NTN4: variants seen among roughly 807,000 people sequenced by gnomAD.
NTN4 encodes netrin 4, also known as netrin-4.
A neutral mutation model predicts 73.6 loss-of-function variants in NTN4; 32 were observed. That is an observed-to-expected ratio of 0.44 (90% confidence interval 0.33 to 0.58). The LOEUF (loss-of-function observed/expected upper bound fraction) is 0.58. Ranked by LOEUF, NTN4 falls within the 20% of genes least tolerant of loss-of-function variation. The pLI, the probability that NTN4 is intolerant of heterozygous loss-of-function variation, is 0.04. For missense variants in NTN4, 654 were observed against 798.3 expected, an observed-to-expected ratio of 0.82 and a Z score of 2.18; for synonymous variants, 258 against 287.5, an observed-to-expected ratio of 0.90 and a Z score of 1.04.
chr12:95,702,106 C>T (rs535448390), intron 5 of NTN4, among the ~76,000 whole-genome samples: 354 of 151,800 alleles, frequency 2.3e-3, no homozygotes, highest in African/African-American at 7.9e-3. Flanking sequence ...ATAGGGAAAC[C>T]CCGTCTCTAC....
chr12:95,777,524 A>G (rs982320907), intron 2 of NTN4, among the ~76,000 whole-genome samples: 3 of 152,232 alleles, frequency 2.0e-5, no homozygotes, highest in African/African-American at 7.2e-5. Flanking sequence ...GTCTCTGATA[A>G]AACAGACTTT....
chr12:95,666,797 A>C (rs1337901138), intron 8 of NTN4, among the ~76,000 whole-genome samples: 2 of 152,346 alleles, frequency 1.3e-5, no homozygotes, highest in African/African-American at 2.4e-5. Context: ...ACTACTTAAT[A>C]TTCTTCTCCT....
chr12:95,667,058 T>C (rs2078185981), intron 8 of NTN4, among the ~76,000 whole-genome samples: 1 of 152,356 alleles, frequency 6.6e-6, no homozygotes, highest in Admixed American at 6.5e-5. Context: ...GTATGACTTA[T>C]GATTCTATTA....
At chr12:95,770,910 A>T in intron 2 of NTN4, among the ~76,000 whole-genome samples, 1 of 152,228 alleles carries the variant, frequency 6.6e-6, no homozygotes, top group East Asian at 1.9e-4. Flanking sequence ...GAAGAAGAGA[A>T]GAGAAATATG....
At chr12:95,742,916 C>T (rs1048567715) in intron 2 of NTN4, among the ~76,000 whole-genome samples, 4 of 152,230 alleles carry the variant, frequency 2.6e-5, no homozygotes, top group African/African-American at 4.8e-5. Context: ...TTTAGAAGAA[C>T]ACAGATAGCA....
At chr12:95,713,733 T>C (rs1358466460) in intron 3 of NTN4, among the ~76,000 whole-genome samples, 1 of 152,188 alleles carries the variant, frequency 6.6e-6, no homozygotes, top group Non-Finnish European at 1.5e-5. Flanking sequence ...GACATTAATA[T>C]AACATTTGGA....
At chr12:95,777,037 T>C (rs574408230) in intron 2 of NTN4, among the ~76,000 whole-genome samples, 15 of 152,210 alleles carry the variant, frequency 9.9e-5, no homozygotes, top group Non-Finnish European at 1.8e-4. Context: ...ATTTTCAACC[T>C]AGAATTTCAT....
chr12:95,690,057 A>G (rs2078390276), intron 5 of NTN4, among the ~76,000 whole-genome samples: 1 of 152,222 alleles, frequency 6.6e-6, no homozygotes, highest in African/African-American at 2.4e-5. Flanking sequence ...GGACTAAACC[A>G]GAGATAATGT....
In NTN4 at chr12:95,781,564, A is replaced by T. The variant is rs1482317750; in HGVS notation, c.585+5375T>A. Among the ~76,000 whole-genome samples, 1 of 152,186 alleles carries T rather than the reference A, an allele frequency of 6.6e-6. No individual in the cohort carries two copies. The highest frequency in any genetic ancestry group is 1.5e-5 in the Non-Finnish European group (1 of 68,028). On this transcript the variant is annotated intron_variant, in intron 2 of 9. Transcript: ENST00000343702. The surrounding 1 kb of genome is among the most constrained non-coding windows in gnomAD (Gnocchi z 4.1). The stretch of plus-strand genomic sequence containing the variant: ...CAGCAAACCAATATGGCACACATTT[A>T]CCTATGCAACAAACCTGCACATGCT...
At chr12:95,732,765 A>G (rs1350002468) in intron 3 of NTN4, among the ~76,000 whole-genome samples, 1 of 152,210 alleles carries the variant, frequency 6.6e-6, no homozygotes, top group Non-Finnish European at 1.5e-5. Flanking sequence ...AATAAATTTT[A>G]AAAAGAAGAT....
At chr12:95,711,060 A>G (rs1042549971) in intron 4 of NTN4, among the ~76,000 whole-genome samples, 3 of 152,214 alleles carry the variant, frequency 2.0e-5, no homozygotes, top group Non-Finnish European at 2.9e-5. Flanking sequence ...TGAGTAGTTA[A>G]CAATACAAAA....
At chr12:95,739,575 T>C (rs1565902960) in intron 2 of NTN4, among the ~76,000 whole-genome samples, 1 of 152,254 alleles carries the variant, frequency 6.6e-6, no homozygotes, top group Non-Finnish European at 1.5e-5. Context: ...GGGCTTTATA[T>C]GGAACTGATT....
intron 1 of NTN4, among the ~76,000 whole-genome samples, chr12:95,788,793 G>A (rs972117573): frequency 3.9e-5 from 6 of 152,118 alleles, no homozygotes; most frequent in Admixed American, 6.6e-5. Context: ...CTCATTAGCT[G>A]GGGCAACAGT....
chr12:95,718,436 AT>A (rs1197636193), intron 3 of NTN4, among the ~76,000 whole-genome samples: 1 of 152,202 alleles, frequency 6.6e-6, no homozygotes, highest in Non-Finnish European at 1.5e-5. Flanking sequence ...GTTGTAGAAT[AT>A]TTAAACATGG....
At chr12:95,777,505 G>T (rs1242879442) in intron 2 of NTN4, among the ~76,000 whole-genome samples, 1 of 152,140 alleles carries the variant, frequency 6.6e-6, no homozygotes, top group Non-Finnish European at 1.5e-5. Flanking sequence ...GGCAGGGGTT[G>T]CAATCCTAGT....
chr12:95,672,220 G>A, intron 7 of NTN4: 1 of 595,288 alleles, frequency 1.7e-6, no homozygotes, highest in Non-Finnish European at 3.1e-6. Flanking sequence ...GGCGGGCGGG[G>A]GGAGGGAGGG....
At chr12:95,702,858 G>GT (rs35050257) in intron 5 of NTN4, among the ~76,000 whole-genome samples, 34,713 of 123,866 alleles carry the variant, frequency 0.28, 5,410 homozygotes, top group South Asian at 0.42. Context: ...TTTTTTTTTG[G>GT]TTTTTTTTTT....
intron 7 of NTN4, among the ~76,000 whole-genome samples, chr12:95,678,649 C>T (rs915925789): frequency 2.6e-5 from 4 of 151,988 alleles, no homozygotes; most frequent in African/African-American, 9.7e-5. Context: ...ATGAGAACTA[C>T]ACAAGTGAGA....
At chr12:95,751,076 G>A (rs2078903496) in intron 2 of NTN4, among the ~76,000 whole-genome samples, 2 of 150,768 alleles carry the variant, frequency 1.3e-5, no homozygotes, top group African/African-American at 2.5e-5. Context: ...TTACAGCCCT[G>A]GACCCTAAAA....
Sources: gnomAD v4.1 joint callset for allele counts (sites outside exome capture counted in the v4.1 genomes callset) on GRCh38, gnomAD v4.1.1 for gene constraint, Gnocchi (gnomAD v3.1) non-coding constraint, MANE v1.5 for transcripts, NCBI Gene and HGNC (gene_info 2026-07-23, HGNC 2026-07-21) for gene names.